The following LAMA1 variants were observed in gnomAD, a reference collection of about 807,000 sequenced individuals.
The protein encoded by LAMA1 is laminin subunit alpha 1.
In LAMA1, 219 loss-of-function variants were observed where a neutral mutation model predicts 348.7. That is an observed-to-expected ratio of 0.63 (90% CI 0.56 to 0.70). The LOEUF (loss-of-function observed/expected upper bound fraction) is 0.70. Ranked by LOEUF, LAMA1 falls within the 30% of genes least tolerant of loss-of-function variation. The pLI, the probability that LAMA1 is intolerant of heterozygous loss-of-function variation, is 0.00. For synonymous variants in LAMA1, 1,487 were observed against 1,491.0 expected, an observed-to-expected ratio of 1.00 and a Z score of 0.06; for missense variants, 3,744 against 3,888.0, an observed-to-expected ratio of 0.96 and a Z score of 0.99.
chr18:7,110,033 T>C (rs1292618818), intron 1 of LAMA1, among the ~76,000 whole-genome samples: 1 of 151,880 alleles, frequency 6.6e-6, no homozygotes, highest in Non-Finnish European at 1.5e-5. Context: ...ATACAAAAAT[T>C]AGCAGGGTGT....
intron 5 of LAMA1, among the ~76,000 whole-genome samples, chr18:7,046,919 T>C (rs983279077): frequency 6.6e-6 from 1 of 152,248 alleles, no homozygotes; most frequent in Non-Finnish European, 1.5e-5. Context: ...GTTCATTGAT[T>C]TTGTATACTG....
chr18:7,051,562 A>G (rs571855038), intron 3 of LAMA1, among the ~76,000 whole-genome samples: 6 of 152,320 alleles, frequency 3.9e-5, no homozygotes, highest in African/African-American at 1.4e-4. Context: ...ATGTAGTATT[A>G]TTATTATTAA....
chr18:6,974,903 C>T lies in LAMA1; in HGVS notation c.6623G>A (p.Arg2208Lys). 1 of 1,614,118 alleles carries T rather than the reference C, an allele frequency of 6.2e-7. No individual in the cohort carries two copies. The highest frequency in any genetic ancestry group is 8.5e-7 in the Non-Finnish European group (1 of 1,180,032). Residue 2208 changes from arginine (R) to lysine (K), a missense_variant and splice_region_variant, in exon 46 of 63, where the codon AGA becomes AAA. This residue lies in a region of LAMA1 where 1,983 missense variants were observed against 1,934.3 expected (regional missense o/e 1.03). Transcript: ENST00000389658. Reference protein sequence around the residue: ...DNRWHSIHVARFGNIGSLSVK... With the variant: ...DNRWHSIHVAKFGNIGSLSVK... ...GCTTTGAGAGAACATTCTCTTCTACCTGGCTACATGGATACTGTGCCATCT... is the reference window on the plus strand; with the variant it reads ...GCTTTGAGAGAACATTCTCTTCTACTTGGCTACATGGATACTGTGCCATCT...
chr18:6,977,255 G>A (rs1039521411), intron 44 of LAMA1, among the ~76,000 whole-genome samples: 27 of 152,154 alleles, frequency 1.8e-4, no homozygotes, highest in African/African-American at 6.3e-4. Context: ...TGCAGCCTTC[G>A]TTGCATACAA....
chr18:6,961,640 C>A lies in LAMA1; in HGVS notation c.7572G>T (p.Leu2524=). The A allele has an allele frequency of 6.2e-7, 1 of 1,614,170 alleles. No homozygotes were observed. The highest frequency in any genetic ancestry group is 8.5e-7 in the Non-Finnish European group (1 of 1,180,040). ...TCTCCACATCCCCGCCGAGGGCAGC[C>A]AGGATGATGCCACTGCTGTTCGTGG... ...FATTNSSGII[L]AALGGDVEKR... The change falls in exon 53 of 63, where the codon CTG becomes CTT. Residue 2524 remains leucine, a synonymous_variant. Transcript: ENST00000389658.
chr18:6,976,982 T>C lies in LAMA1; in HGVS notation c.6345+745A>G, dbSNP rs114789326. On this transcript the variant is annotated intron_variant, in intron 44 of 62. Coordinates refer to ENST00000389658, the MANE Select transcript of LAMA1 (RefSeq NM_005559.4). Reference sequence around the variant, plus strand: ...ATGGAAACCAACATTCCTTTTCCAATAGCAAGGACACTTGAGGTTTTGGAA... The same window carrying C: ...ATGGAAACCAACATTCCTTTTCCAACAGCAAGGACACTTGAGGTTTTGGAA... Among the ~76,000 whole-genome samples, 852 of 152,304 alleles carry C rather than the reference T, an allele frequency of 5.6e-3. 7 individuals carry two copies. The highest frequency in any genetic ancestry group is 0.019 in the African/African-American group (796 of 41,550).
intron 1 of LAMA1, among the ~76,000 whole-genome samples, chr18:7,083,383 A>T (rs2058201428): frequency 6.6e-6 from 1 of 151,706 alleles, no homozygotes; most frequent in East Asian, 2.0e-4. Flanking sequence ...ACGGAGTTTC[A>T]CCATGTTGGT....
rs775449351 is a variant in LAMA1, at chr18:6,947,265, C to T, written c.8742G>A (p.Val2914=). ...AGGTTCGAAACTCCAGTGTGATGTT[C>T]ACATCTGACTGGACTTTGTAGCCCT... ...VKEGYKVQSD[V]NITLEFRTSS... Residue 2914 remains valine (V), a synonymous_variant, in exon 61 of 63, where the codon GTG becomes GTA. Transcript: ENST00000389658. 1 of 1,613,990 alleles carries T rather than the reference C, an allele frequency of 6.2e-7. No individual in the cohort carries two copies. Among genetic ancestry groups the T allele is most frequent in the East Asian group, 2.2e-5 (1 of 44,878 alleles).
intron 55 of LAMA1, 104 bp from the exon 56 acceptor site, chr18:6,956,869 G>A: frequency 7.6e-7 from 1 of 1,311,282 alleles, no homozygotes; most frequent in Non-Finnish European, 1.1e-6. Flanking sequence ...TAAAAACCAT[G>A]TATATATTTC....
rs1209822493 is a variant in LAMA1, at chr18:7,040,133, C to A, written c.1365G>T (p.Gly455=). The part of the protein sequence containing the change: ...YKDYPTCVSC[G]CNPVGSASDE... ...CACTGGCACTGCCCACTGGGTTGCA[C>A]CCACAGGAGACACAGGTCGGGTAAT... The change falls in exon 10 of 63, where the codon GGG becomes GGT. Residue 455 remains glycine, a synonymous_variant. Transcript: ENST00000389658. 6.2e-7 allele frequency: 1 copy of A among 1,614,138 alleles called. No individual in the cohort carries two copies. The highest frequency in any genetic ancestry group is 8.5e-7 in the Non-Finnish European group (1 of 1,180,024).
chr18:7,015,450 C>T (rs113499710), intron 22 of LAMA1, among the ~76,000 whole-genome samples: 3,472 of 150,944 alleles, frequency 0.023, 70 homozygotes, highest in Non-Finnish European at 0.03. Context: ...TTTTTTTAAT[C>T]GTTATTTTTT....
chr18:6,978,242 G>A lies in LAMA1; in HGVS notation c.6144C>T (p.Thr2048=). The change falls in exon 43 of 63, where the codon ACC becomes ACT. Residue 2048 remains threonine, a synonymous_variant. Coordinates refer to ENST00000389658, the MANE Select transcript of LAMA1 (RefSeq NM_005559.4). ...GAAGCTGGTGTGTCTCTCGTAATGT[G>A]GTGTTGACCCTGGACAGGCTGGCAG... ...NTSASLSRVN[T]TLRETHQLLQ... is the part of the protein sequence containing the mutation. 1 of 1,614,180 alleles carries A rather than the reference G, an allele frequency of 6.2e-7. No homozygotes were observed. The highest frequency in any genetic ancestry group is 1.1e-5 in the South Asian group (1 of 91,086).
intron 16 of LAMA1, among the ~76,000 whole-genome samples, 177 bp downstream of exon 16, chr18:7,031,878 TCAAAAAAAAAA>T (rs996150443): frequency 3.0e-5 from 3 of 101,238 alleles, no homozygotes; most frequent in South Asian, 3.0e-4. Flanking sequence ...GTAACTTTTT[TCAAAAAAAAAA>T]CAAAAAAAAA....
chr18:6,941,798 T>G lies in LAMA1; in HGVS notation c.*281A>C. The G allele has an allele frequency of 2.4e-6, 1 of 416,276 alleles. No individual in the cohort carries two copies. The allele number at this position is 416,276 out of a possible 1,614,324, so 25.8% of individuals were successfully genotyped here. On this transcript the variant is annotated 3_prime_UTR_variant, in exon 63 of 63. Coordinates refer to ENST00000389658, the MANE Select transcript of LAMA1 (RefSeq NM_005559.4). The stretch of plus-strand genomic sequence containing the variant: ...TTTAAAAAGCTCAAAATGAAAAACA[T>G]AAAATACTATCAAGTAATCAACAGA...
intron 1 of LAMA1, among the ~76,000 whole-genome samples, chr18:7,092,932 T>G (rs994630564): frequency 2.0e-5 from 3 of 152,118 alleles, no homozygotes; most frequent in African/African-American, 7.2e-5. Flanking sequence ...ACATGCTCAT[T>G]CACCGCACAG....
rs1366762847 is a variant in LAMA1, at chr18:7,026,070, G to T, written c.2311C>A (p.Gln771Lys). The T allele has an allele frequency of 6.2e-7, 1 of 1,611,254 alleles. No individual in the cohort carries two copies. Among genetic ancestry groups the T allele is most frequent in the Non-Finnish European group, 8.5e-7 (1 of 1,178,636 alleles). Residue 771 changes from glutamine (Q) to lysine (K), a missense_variant, in exon 17 of 63, where the codon CAG becomes AAG. Transcript: ENST00000389658. ...TCCCCGTAGAAGCCGGGCAAGCACTGCTCACAGTGGACGCCGGTGGTGTTG... is the reference window on the plus strand; with the variant it reads ...TCCCCGTAGAAGCCGGGCAAGCACTTCTCACAGTGGACGCCGGTGGTGTTG... ...AHNTTGVHCE[Q>K]CLPGFYGEPS...
rs1568041287 is a variant in LAMA1, at chr18:7,037,603, G to A, written c.1712C>T (p.Ala571Val). ...QRLAPKYYWA[A>V]PEAYLGNKLT... ...CTTATTTCCAAGGTAGGCCTCGGGG[G>A]CTGCCCAGTAGTACTTGGGAGCCAG... Residue 571 changes from alanine to valine, a missense_variant, in exon 12 of 63, where the codon GCC becomes GTC. By Grantham distance (64) the Ala-to-Val change is moderately conservative. This residue lies in a region of LAMA1 where 1,529 missense variants were observed against 1,689.4 expected (regional missense o/e 0.91). Transcript: ENST00000389658. The A allele has an allele frequency of 6.8e-6, 11 of 1,614,034 alleles. No individual in the cohort carries two copies. In the East Asian group the frequency reaches 1.6e-4, roughly 23 times the overall value.
intron 40 of LAMA1, 35 bp from the exon 41 acceptor site, chr18:6,982,625 A>G (rs2057717251): frequency 6.4e-7 from 1 of 1,568,544 alleles, no homozygotes; most frequent in Admixed American, 1.7e-5. Context: ...TGGTGAGAGC[A>G]GGGCAGGGTG....
intron 16 of LAMA1, among the ~76,000 whole-genome samples, chr18:7,028,127 T>G (rs550114101): frequency 6.6e-6 from 1 of 152,304 alleles, no homozygotes; most frequent in South Asian, 2.1e-4. Context: ...GAGAAAAGAC[T>G]AGTGAATTTG....
Sources: allele counts gnomAD v4.1 joint callset (sites outside exome capture counted in the v4.1 genomes callset), GRCh38; gene constraint gnomAD v4.1.1; regional missense constraint gnomAD v4.1.1; transcripts MANE v1.5; gene names NCBI Gene and HGNC (gene_info 2026-07-23, HGNC 2026-07-21).